The following ADGRB3 variants were observed in gnomAD, a reference collection of about 807,000 sequenced individuals.
The protein encoded by ADGRB3 is adhesion G protein-coupled receptor B3, also known as brain-specific angiogenesis inhibitor 3.
A neutral mutation model predicts 193.4 loss-of-function variants in ADGRB3; 37 were observed. That is an observed-to-expected ratio of 0.19 (90% CI 0.15 to 0.25). ADGRB3 has a LOEUF of 0.25. ADGRB3 is among the 10% of genes least tolerant of loss of function. The pLI is 1.00. For synonymous variants in ADGRB3, 690 were observed against 644.2 expected, an observed-to-expected ratio of 1.07 and a Z score of -1.08; for missense variants, 1,637 against 1,852.9, an observed-to-expected ratio of 0.88 and a Z score of 2.14.
chr6:68,933,848 C>T (rs1171865792), intron 4 of ADGRB3, among the ~76,000 whole-genome samples: 1 of 152,108 alleles, frequency 6.6e-6, no homozygotes, highest in African/African-American at 2.4e-5. Context: ...CACAGGTCTT[C>T]TGACTTTAAT....
At chr6:69,218,021 A>T (rs1319170800) in intron 17 of ADGRB3, among the ~76,000 whole-genome samples, 3 of 151,490 alleles carry the variant, frequency 2.0e-5, no homozygotes, top group African/African-American at 7.3e-5. Context: ...TTTGCATATA[A>T]CATTAACATA....
intron 13 of ADGRB3, among the ~76,000 whole-genome samples, chr6:69,021,324 A>G (rs955764404): frequency 3.3e-5 from 5 of 151,914 alleles, no homozygotes; most frequent in Admixed American, 1.3e-4. Context: ...CTGACTATAG[A>G]TAGTACACTC....
intron 17 of ADGRB3, among the ~76,000 whole-genome samples, chr6:69,204,261 C>A (rs561226092): frequency 2.8e-4 from 43 of 152,168 alleles, no homozygotes; most frequent in Admixed American, 2.2e-3. Flanking sequence ...TTCCTTTGGA[C>A]ATTATATTTT....
At chr6:69,104,916 T>C (rs1773168038) in intron 17 of ADGRB3, among the ~76,000 whole-genome samples, 1 of 152,220 alleles carries the variant, frequency 6.6e-6, no homozygotes, top group Admixed American at 6.5e-5. Flanking sequence ...TTTCTTGTGA[T>C]TGGGAGACAC....
intron 3 of ADGRB3, among the ~76,000 whole-genome samples, chr6:68,888,859 G>C (rs904596148): frequency 7.2e-5 from 11 of 152,084 alleles, no homozygotes; most frequent in African/African-American, 2.7e-4. Flanking sequence ...GAATGTGCTT[G>C]GTCCTCAGCA....
intron 20 of ADGRB3, among the ~76,000 whole-genome samples, chr6:69,287,923 AACT>A (rs1404900438): frequency 6.6e-6 from 1 of 152,184 alleles, no homozygotes; most frequent in East Asian, 1.9e-4. Context: ...AGTTACTTTA[AACT>A]ATGTAGGAAC....
intron 17 of ADGRB3, among the ~76,000 whole-genome samples, chr6:69,177,658 T>G (rs1775464117): frequency 6.6e-6 from 1 of 152,180 alleles, no homozygotes; most frequent in Admixed American, 6.5e-5. Context: ...TTTCAAAGAC[T>G]TTTTGCTTAT....
intron 15 of ADGRB3, among the ~76,000 whole-genome samples, chr6:69,054,456 T>C (rs1771488081): frequency 6.6e-6 from 1 of 152,182 alleles, no homozygotes; most frequent in Admixed American, 6.5e-5. Context: ...TCTCCAGAGC[T>C]CATGTCCTTA....
At chr6:69,103,043 G>C (rs1275196081) in intron 17 of ADGRB3, among the ~76,000 whole-genome samples, 1 of 152,002 alleles carries the variant, frequency 6.6e-6, no homozygotes, top group East Asian at 1.9e-4. Context: ...ACTATGCTTG[G>C]AATGAACTTG....
intron 17 of ADGRB3, among the ~76,000 whole-genome samples, chr6:69,119,123 C>T (rs977268927): frequency 7.9e-5 from 12 of 152,148 alleles, no homozygotes; most frequent in Non-Finnish European, 5.9e-5. Flanking sequence ...CATGGAAAAC[C>T]TCTGATTTAC....
intron 17 of ADGRB3, among the ~76,000 whole-genome samples, chr6:69,137,056 CTT>C (rs71548125): frequency 0.031 from 2,504 of 80,068 alleles, 33 homozygotes; most frequent in Middle Eastern, 0.042. Flanking sequence ...TCTTTTCTTT[CTT>C]TTTTTTTTTT....
intron 3 of ADGRB3, among the ~76,000 whole-genome samples, chr6:68,907,348 T>C (rs747175442): frequency 3.3e-5 from 5 of 151,968 alleles, no homozygotes; most frequent in Non-Finnish European, 5.9e-5. Flanking sequence ...TTAAATGATT[T>C]GTTTCTTTTT....
chr6:68,949,390 A>C (rs1767856483), intron 6 of ADGRB3, among the ~76,000 whole-genome samples: 1 of 149,784 alleles, frequency 6.7e-6, no homozygotes, highest in Non-Finnish European at 1.5e-5. Context: ...CTACTCTTAC[A>C]AACTCTAAGA....
rs1287678149 is a variant in ADGRB3, at chr6:68,708,304, A to G, written c.757+68872A>G. 2.0e-5 allele frequency among the ~76,000 whole-genome samples: 3 copies of G among 152,220 alleles called. No individual in the cohort carries two copies. In the East Asian group the frequency reaches 5.8e-4, roughly 29 times the overall value. ...ACTTTTTAGTGAAGCAAAAGGTTCAAAATGTCCAGAACATTTTCTTCTTTT... is the reference window on the plus strand; with the variant it reads ...ACTTTTTAGTGAAGCAAAAGGTTCAGAATGTCCAGAACATTTTCTTCTTTT... On this transcript the variant is annotated intron_variant, in intron 3 of 31. Transcript: ENST00000370598.
chr6:68,829,555 A>G (rs1388458224), intron 3 of ADGRB3, among the ~76,000 whole-genome samples: 1 of 152,178 alleles, frequency 6.6e-6, no homozygotes, highest in African/African-American at 2.4e-5. Flanking sequence ...GGTGGCATGA[A>G]GGGTTACATA....
intron 3 of ADGRB3, among the ~76,000 whole-genome samples, chr6:68,733,123 A>G (rs1008850374): frequency 1.3e-5 from 2 of 151,674 alleles, no homozygotes; most frequent in Non-Finnish European, 2.9e-5. Context: ...ACTACTGTGT[A>G]TCTACCTAAA....
At chr6:68,785,230 T>C (rs1766940026) in intron 3 of ADGRB3, among the ~76,000 whole-genome samples, 1 of 152,098 alleles carries the variant, frequency 6.6e-6, no homozygotes, top group South Asian at 2.1e-4. Flanking sequence ...TATGTATGCA[T>C]GGGCCATGTC....
At chr6:68,941,856 T>C (rs886582476) in intron 5 of ADGRB3, among the ~76,000 whole-genome samples, 7 of 151,290 alleles carry the variant, frequency 4.6e-5, no homozygotes, top group African/African-American at 1.7e-4. Context: ...AATATTTATA[T>C]ATGTGGGTAG....
chr6:68,787,970 A>C (rs1314175646), intron 3 of ADGRB3, among the ~76,000 whole-genome samples: 2 of 152,074 alleles, frequency 1.3e-5, no homozygotes, highest in Non-Finnish European at 2.9e-5. Flanking sequence ...CTCTGATGGT[A>C]GTTTGTATTT....
Sources: allele counts gnomAD v4.1 joint callset (sites outside exome capture counted in the v4.1 genomes callset), GRCh38; gene constraint gnomAD v4.1.1; transcripts MANE v1.5; gene names NCBI Gene and HGNC (gene_info 2026-07-23, HGNC 2026-07-21).